Variants in DMD observed in about 807,000 individuals in gnomAD.
DMD encodes the protein mutant dystrophin.
DMD carries 63 observed loss-of-function variants against 330.1 expected under a neutral mutation model. The ratio of observed to expected loss-of-function variants is 0.19; its 90% CI spans 0.16 to 0.24. The LOEUF is 0.24. DMD is among the 10% of genes least tolerant of loss of function. The pLI is 1.00. For missense variants in DMD, 3,344 were observed against 2,684.1 expected (o/e 1.25, Z -5.43); for synonymous variants, 1,223 against 959.8 (o/e 1.27, Z -5.07).
At chrX:32,019,414 T>A (rs2095791277) in intron 44 of DMD, among the ~76,000 whole-genome samples, 1 of 112,343 alleles carries the variant, frequency 8.9e-6, no homozygotes, top group South Asian at 3.6e-4. Context: ...TACAAGATAA[T>A]CTTTGAATTT....
intron 59 of DMD, among the ~76,000 whole-genome samples, chrX:31,449,137 G>C (rs1048539193): frequency 5.4e-5 from 6 of 111,500 alleles, no homozygotes; most frequent in Non-Finnish European, 9.4e-5. Flanking sequence ...AGGGAATTCT[G>C]CTTGGAGGGG....
rs566916858 is a variant in DMD, at chrX:32,418,357, G to A, written c.4072-6444C>T. Among the ~76,000 whole-genome samples the A allele has an allele frequency of 5.4e-5, 6 of 111,122 alleles. No homozygotes were observed. The South Asian group carries it at 2.3e-3, about 42-fold the overall frequency. On this transcript the variant is annotated intron_variant, in intron 29 of 78. Transcript: ENST00000357033. The stretch of plus-strand genomic sequence containing the variant: ...AGAAGACAGAAAATGGTTTACGGGA[G>A]GTCTGAAGAGATAAAGAACTTAAGA...
At chrX:32,573,483 A>G (rs1415843359) in intron 15 of DMD, 47 bp downstream of exon 15, 2 of 963,201 alleles carry the variant, frequency 2.1e-6, no homozygotes, top group Admixed American at 4.4e-5. Flanking sequence ...GTGATAATAT[A>G]CAGTACTGGG....
intron 1 of DMD, among the ~76,000 whole-genome samples, chrX:33,196,059 C>T (rs1369566657): frequency 9.0e-6 from 1 of 110,908 alleles, no homozygotes; most frequent in African/African-American, 3.3e-5. Context: ...AATAAGAATA[C>T]ATATTGGGGC....
intron 44 of DMD, among the ~76,000 whole-genome samples, chrX:32,177,426 T>G (rs1172594923): frequency 8.9e-6 from 1 of 111,999 alleles, no homozygotes; most frequent in Non-Finnish European, 1.9e-5. Context: ...TGCTGTCACA[T>G]TCTTTCTGTT....
chrX:31,924,235 T>C (rs942864833), intron 47 of DMD, among the ~76,000 whole-genome samples: 5 of 112,048 alleles, frequency 4.5e-5, no homozygotes, highest in Non-Finnish European at 7.5e-5. Context: ...AATCGTCATC[T>C]TGTGATAGGA....
intron 1 of DMD, among the ~76,000 whole-genome samples, chrX:33,085,618 T>A (rs1048328853): frequency 2.0e-4 from 23 of 112,329 alleles, no homozygotes; most frequent in African/African-American, 7.1e-4. Flanking sequence ...ATTTTGTAAA[T>A]CCATAATATG....
At chrX:32,470,652 T>C (rs1350551098) in intron 22 of DMD, among the ~76,000 whole-genome samples, 1 of 111,346 alleles carries the variant, frequency 9.0e-6, no homozygotes, top group African/African-American at 3.3e-5. Flanking sequence ...TTTTTCCAGA[T>C]AGACTTTGGA....
intron 62 of DMD, among the ~76,000 whole-genome samples, chrX:31,279,365 T>C (rs995544505): frequency 3.9e-4 from 44 of 112,304 alleles, no homozygotes; most frequent in African/African-American, 1.3e-3. Context: ...GAATATTTTG[T>C]GATATCTTGC....
intron 44 of DMD, among the ~76,000 whole-genome samples, chrX:32,213,065 A>G (rs1279919431): frequency 8.9e-6 from 1 of 112,210 alleles, no homozygotes; most frequent in Admixed American, 9.5e-5. Context: ...CAAGTTTACA[A>G]CATATATCTA....
intron 29 of DMD, among the ~76,000 whole-genome samples, chrX:32,434,428 A>G (rs1006943613): frequency 5.3e-5 from 6 of 112,169 alleles, no homozygotes; most frequent in Non-Finnish European, 9.4e-5. Flanking sequence ...AAAATAAAAT[A>G]AAAATAGAAA....
intron 41 of DMD, among the ~76,000 whole-genome samples, chrX:32,324,729 G>C (rs191937177): frequency 0.054 from 5,989 of 111,463 alleles, 412 homozygotes; most frequent in African/African-American, 0.18. Context: ...TCTGTAATTT[G>C]TTAGATTAAA....
chrX:31,414,461 AT>A (rs2061780833), intron 60 of DMD, among the ~76,000 whole-genome samples: 1 of 112,523 alleles, frequency 8.9e-6, no homozygotes, highest in Non-Finnish European at 1.9e-5. Flanking sequence ...ATGCTTTGTT[AT>A]TCAAAAATCA....
intron 9 of DMD, among the ~76,000 whole-genome samples, chrX:32,671,600 A>G (rs1245161988): frequency 8.9e-6 from 1 of 112,237 alleles, no homozygotes; most frequent in Non-Finnish European, 1.9e-5. Flanking sequence ...TTCCATTAAA[A>G]TGTAAAAGTC....
intron 43 of DMD, among the ~76,000 whole-genome samples, chrX:32,249,445 T>A (rs1262784352): frequency 8.9e-6 from 1 of 111,915 alleles, no homozygotes; most frequent in Non-Finnish European, 1.9e-5. Flanking sequence ...CAAAGAATCT[T>A]GAAATAACAA....
chrX:31,330,502 C>T (rs1474281520), intron 61 of DMD, among the ~76,000 whole-genome samples: 4 of 111,069 alleles, frequency 3.6e-5, no homozygotes, highest in African/African-American at 9.8e-5. Flanking sequence ...AGGGAGTAGA[C>T]GGAGGGGAAG....
At chrX:31,952,168 A>G (rs2095189678) in intron 45 of DMD, among the ~76,000 whole-genome samples, 1 of 111,395 alleles carries the variant, frequency 9.0e-6, no homozygotes, top group African/African-American at 3.3e-5. Flanking sequence ...AACTATTTCA[A>G]TAGTTTGACT....
intron 45 of DMD, among the ~76,000 whole-genome samples, chrX:31,950,234 A>G (rs1337313408): frequency 3.6e-5 from 4 of 111,435 alleles, no homozygotes; most frequent in African/African-American, 1.3e-4. Flanking sequence ...ATAATTTCCT[A>G]TGTGATTTAG....
chrX:32,042,330 T>C (rs2096017136), intron 44 of DMD, among the ~76,000 whole-genome samples: 5 of 108,678 alleles, frequency 4.6e-5, no homozygotes, highest in African/African-American at 1.7e-4. Flanking sequence ...CTTACAATCA[T>C]AGTAGAAGGT....
Sources: allele counts gnomAD v4.1 joint callset (sites outside exome capture counted in the v4.1 genomes callset), GRCh38; gene constraint gnomAD v4.1.1; transcripts MANE v1.5; gene names NCBI Gene and HGNC (gene_info 2026-07-23, HGNC 2026-07-21).